Variants in CALCR observed in about 807,000 individuals in gnomAD.
CALCR encodes the protein calcitonin receptor.
A neutral mutation model predicts 59.5 loss-of-function variants in CALCR; 47 were observed. The ratio of observed to expected loss-of-function variants is 0.79; its 90% CI spans 0.63 to 1.01. CALCR has a LOEUF of 1.01. Among genes scored for constraint, CALCR ranks in the 50% least tolerant of loss-of-function variants. The pLI is 0.00. For missense variants in CALCR, 566 were observed against 597.1 expected (o/e 0.95, Z 0.54); for synonymous variants, 213 against 211.3 (o/e 1.01, Z -0.07).
At chr7:93,478,911 A>C in intron 4 of CALCR, among the ~76,000 whole-genome samples, 1 of 151,766 alleles carries the variant, frequency 6.6e-6, no homozygotes, top group Non-Finnish European at 1.5e-5. Flanking sequence ...TGGGGCCAGA[A>C]AGTGTGGAAG....
At chr7:93,487,409 T>C (rs1474438818) in intron 2 of CALCR, among the ~76,000 whole-genome samples, 1 of 151,446 alleles carries the variant, frequency 6.6e-6, no homozygotes, top group Non-Finnish European at 1.5e-5. Context: ...CTGTAATTTG[T>C]GAAAGATTAA....
intron 2 of CALCR, among the ~76,000 whole-genome samples, chr7:93,544,862 C>T (rs1789243749): frequency 6.6e-6 from 1 of 152,162 alleles, no homozygotes; most frequent in African/African-American, 2.4e-5. Flanking sequence ...CTGTGAATCT[C>T]TACACCTGTG....
At chr7:93,434,770 T>A (rs184981008) in intron 12 of CALCR, among the ~76,000 whole-genome samples, 1 of 152,162 alleles carries the variant, frequency 6.6e-6, no homozygotes, top group Non-Finnish European at 1.5e-5. Flanking sequence ...GATAAGGACA[T>A]GGACTAAGAA....
intron 8 of CALCR, among the ~76,000 whole-genome samples, chr7:93,458,729 G>A (rs773173024): frequency 2.6e-5 from 4 of 152,000 alleles, no homozygotes; most frequent in African/African-American, 4.8e-5. Context: ...CTCTGTCTTC[G>A]GGTTCATATA....
chr7:93,428,592 A>G (rs1209517662), intron 13 of CALCR, among the ~76,000 whole-genome samples: 5 of 152,154 alleles, frequency 3.3e-5, no homozygotes, highest in Non-Finnish European at 7.4e-5. Context: ...TGAGATCAGG[A>G]GATCGAGACC....
At chr7:93,485,641 C>T (rs894062755) in intron 3 of CALCR, among the ~76,000 whole-genome samples, 3 of 151,636 alleles carry the variant, frequency 2.0e-5, no homozygotes, top group South Asian at 2.1e-4. Context: ...TAGAAGACCA[C>T]ATAAGGCCTG....
chr7:93,460,562 A>ATATATATATAT (rs1305307735), intron 8 of CALCR, among the ~76,000 whole-genome samples: 3 of 85,792 alleles, frequency 3.5e-5, no homozygotes, highest in African/African-American at 2.8e-4. Flanking sequence ...TCTAAAAAAA[A>ATATATATATAT]AAAAAAAAAA....
chr7:93,526,395 G>C (rs1411191038), intron 2 of CALCR, among the ~76,000 whole-genome samples: 1 of 152,064 alleles, frequency 6.6e-6, no homozygotes, highest in South Asian at 2.1e-4. Flanking sequence ...TAGCAAAGAA[G>C]GGGGGAAAAG....
intron 8 of CALCR, among the ~76,000 whole-genome samples, chr7:93,453,551 G>A (rs1800150985): frequency 6.6e-6 from 1 of 151,882 alleles, no homozygotes. Flanking sequence ...CATCTCAATT[G>A]GAAGCTCTTT....
intron 4 of CALCR, among the ~76,000 whole-genome samples, chr7:93,478,991 G>A (rs1800733001): frequency 6.6e-6 from 1 of 151,746 alleles, no homozygotes; most frequent in Non-Finnish European, 1.5e-5. Context: ...AGCAAGATAG[G>A]GTTTGATAGG....
At chr7:93,563,985 T>C (rs902840418) in intron 2 of CALCR, among the ~76,000 whole-genome samples, 3 of 152,218 alleles carry the variant, frequency 2.0e-5, no homozygotes, top group African/African-American at 7.2e-5. Flanking sequence ...TGGCTCATAG[T>C]AAGTACTATG....
chr7:93,505,533 A>G (rs1334028617), intron 2 of CALCR, among the ~76,000 whole-genome samples: 3 of 152,166 alleles, frequency 2.0e-5, no homozygotes, highest in East Asian at 3.9e-4. Context: ...GGAATCAGGT[A>G]TGTGCTGGAT....
chr7:93,428,150 CG>C (rs1799570077), intron 13 of CALCR, among the ~76,000 whole-genome samples: 1 of 152,106 alleles, frequency 6.6e-6, no homozygotes, highest in African/African-American at 2.4e-5. Context: ...AAAAAAGCCA[CG>C]CAAGAACAAA....
At chr7:93,572,668 G>C (rs1790034473) in intron 2 of CALCR, among the ~76,000 whole-genome samples, 1 of 152,140 alleles carries the variant, frequency 6.6e-6, no homozygotes, top group South Asian at 2.1e-4. Context: ...CTAATAGTTA[G>C]CTCCCTTTCT....
At chr7:93,560,984 G>T (rs1190010272) in intron 2 of CALCR, among the ~76,000 whole-genome samples, 1 of 152,098 alleles carries the variant, frequency 6.6e-6, no homozygotes, top group African/African-American at 2.4e-5. Context: ...TATATGCCTT[G>T]TGCCATGACC....
At chr7:93,477,784 A>C in intron 4 of CALCR, 116 bp from the exon 5 acceptor site, 1 of 614,570 alleles carries the variant, frequency 1.6e-6, no homozygotes, top group Admixed American at 2.6e-5. Context: ...ATAACCAACC[A>C]CATTTCAAAC....
intron 2 of CALCR, among the ~76,000 whole-genome samples, chr7:93,526,235 A>C (rs1801874615): frequency 6.6e-6 from 1 of 152,142 alleles, no homozygotes; most frequent in South Asian, 2.1e-4. Flanking sequence ...TAAGTGATAA[A>C]GTGATTTTCT....
In CALCR at chr7:93,425,020, C is replaced by A. The variant is rs114304795; in HGVS notation, c.*1336G>T. ...TGGAGATTTGGAGGGTTTCAATGTA[C>A]CTCCTCATTTAGCATACAAATTAAA... is the stretch of plus-strand genomic sequence containing the variant. On this transcript the variant is annotated 3_prime_UTR_variant, in exon 14 of 14. Transcript: ENST00000426151. 32 of 152,596 alleles carry A rather than the reference C, an allele frequency of 2.1e-4. No individual in the cohort carries two copies. The highest frequency in any genetic ancestry group is 7.5e-4 in the African/African-American group (31 of 41,526). 9.5% of individuals were successfully genotyped at this position (152,596 alleles called of 1,614,324 possible).
At chr7:93,522,654 A>G (rs546762512) in intron 2 of CALCR, among the ~76,000 whole-genome samples, 1 of 152,214 alleles carries the variant, frequency 6.6e-6, no homozygotes, top group Non-Finnish European at 1.5e-5. Context: ...TGAGTCAAAA[A>G]GAGCTTAGTA....
Sources: allele counts gnomAD v4.1 joint callset (sites outside exome capture counted in the v4.1 genomes callset), GRCh38; gene constraint gnomAD v4.1.1; transcripts MANE v1.5; gene names NCBI Gene and HGNC (gene_info 2026-07-23, HGNC 2026-07-21).